SULT1E1: variants seen among roughly 807,000 people sequenced by gnomAD.
SULT1E1 encodes the protein sulfotransferase family 1E member 1.
Under a neutral mutation model 33.6 loss-of-function variants are expected in SULT1E1, and 36 were observed. The ratio of observed to expected loss-of-function variants is 1.07; its 90% confidence interval spans 0.82 to 1.41. SULT1E1 has a LOEUF of 1.41. SULT1E1 is among the 40% of genes most tolerant of loss of function. The pLI is 0.00. For synonymous variants in SULT1E1, 121 were observed against 111.7 expected, an observed-to-expected ratio of 1.08 and a Z score of -0.53; for missense variants, 371 against 345.7, an observed-to-expected ratio of 1.07 and a Z score of -0.58.
At chr4:69,847,327 T>C (rs1720996777) in intron 6 of SULT1E1, among the ~76,000 whole-genome samples, 1 of 151,700 alleles carries the variant, frequency 6.6e-6, no homozygotes, top group African/African-American at 2.4e-5. Context: ...TTATAGGACC[T>C]ATCTAACAAT....
chr4:69,840,272 A>G (rs376913627), downstream of SULT1E1, among the ~76,000 whole-genome samples: 66 of 152,232 alleles, frequency 4.3e-4, 2 homozygotes, highest in South Asian at 0.013. Context: ...AAATCCATGG[A>G]CTTTTCTCCA....
At chr4:69,829,917 C>T in the SULT1E1 span, among the ~76,000 whole-genome samples, 1 of 152,288 alleles carries the variant, frequency 6.6e-6, no homozygotes, top group African/African-American at 2.4e-5. Context: ...AGAGATGGAG[C>T]CTGGTCTGTC....
In SULT1E1 at chr4:69,849,633, A is replaced by G. The variant is rs1353920809; in HGVS notation, c.370-70T>C. 20 of 1,389,484 alleles carry G rather than the reference A, an allele frequency of 1.4e-5. No homozygotes were observed. The East Asian group carries it at 4.8e-4, about 33-fold the overall frequency. 86.1% of individuals were successfully genotyped at this position (1,389,484 alleles called of 1,614,324 possible). ...AAACAGTCTCATCAAGATTTTTTTA[A>G]AAAGGATTTACATTTTCAAATATAA... On this transcript the variant is annotated intron_variant, in intron 4 of 7. Transcript: ENST00000226444.
At chr4:69,852,842 A>G (rs766106558) in intron 4 of SULT1E1, among the ~76,000 whole-genome samples, 1 of 152,174 alleles carries the variant, frequency 6.6e-6, no homozygotes, top group Non-Finnish European at 1.5e-5. Flanking sequence ...ACCTGTTTCC[A>G]TTTGAGAAGT....
the SULT1E1 span, among the ~76,000 whole-genome samples, chr4:69,830,425 G>C: frequency 6.6e-6 from 1 of 152,218 alleles, no homozygotes; most frequent in Non-Finnish European, 1.5e-5. Flanking sequence ...CCTCAGGGTT[G>C]AACAGGGTGT....
chr4:69,838,317 T>C (rs2110063073), downstream of SULT1E1: 1 of 152,286 alleles, frequency 6.6e-6, no homozygotes, highest in African/African-American at 2.4e-5. Flanking sequence ...CTGTTTACTT[T>C]AAGCTTCTTT....
chr4:69,821,777 A>G, the SULT1E1 span, among the ~76,000 whole-genome samples: 1 of 152,228 alleles, frequency 6.6e-6, no homozygotes, highest in Non-Finnish European at 1.5e-5. Context: ...GATAGTAAAT[A>G]TGTTTTAATT....
chr4:69,824,278 TG>T, the SULT1E1 span, among the ~76,000 whole-genome samples: 1 of 152,178 alleles, frequency 6.6e-6, no homozygotes, highest in African/African-American at 2.4e-5. Flanking sequence ...TCTAACTTCC[TG>T]GATAAGTATG....
chr4:69,846,489 C>CAATAA (rs1720980120), intron 6 of SULT1E1, among the ~76,000 whole-genome samples: 1 of 151,010 alleles, frequency 6.6e-6, no homozygotes, highest in South Asian at 2.1e-4. Flanking sequence ...AATTGTAATA[C>CAATAA]AATAAAATAC....
the SULT1E1 span, among the ~76,000 whole-genome samples, chr4:69,829,702 C>A: frequency 5.3e-5 from 8 of 152,194 alleles, no homozygotes; most frequent in African/African-American, 1.9e-4. Flanking sequence ...TCATGTTGGA[C>A]TCCTTGTCCT....
At chr4:69,855,485 T>C in intron 2 of SULT1E1, 59 bp from the exon 3 acceptor site, 1 of 1,523,304 alleles carries the variant, frequency 6.6e-7, no homozygotes, top group Non-Finnish European at 8.8e-7. Flanking sequence ...ATGACATTAG[T>C]GCTGCATTTA....
rs368582372 is a variant in SULT1E1 at position 69,849,394 on chromosome 4, T to A, written c.496+43A>T. ...TTACTTGGAGATGGCATTTGTCTTATAAAACCTTGAAAAAAAATTCAGTGT... is the reference window on the plus strand; with the variant it reads ...TTACTTGGAGATGGCATTTGTCTTAAAAAACCTTGAAAAAAAATTCAGTGT... On this transcript the variant is annotated intron_variant, in intron 5 of 7. Transcript: ENST00000226444. 5.0e-6 allele frequency: 8 copies of A among 1,596,904 alleles called. No individual in the cohort carries two copies. The South Asian group carries it at 6.8e-5, about 14-fold the overall frequency.
At chr4:69,839,649 T>C (rs1720846027), downstream of SULT1E1, among the ~76,000 whole-genome samples, 2 of 152,178 alleles carry the variant, frequency 1.3e-5, no homozygotes, top group Admixed American at 1.3e-4. Flanking sequence ...TTCTGTAGCT[T>C]TCTTGGAAGC....
At position 69,844,201 on chromosome 4, in the gene SULT1E1, G is replaced by C. The variant is rs546191623; in HGVS notation, c.732C>G (p.Asp244Glu). 1 of 1,613,800 alleles carries C rather than the reference G, an allele frequency of 6.2e-7. No homozygotes were observed. The highest frequency in any genetic ancestry group is 1.7e-5 in the Admixed American group (1 of 60,000). The change falls in exon 7 of 8, where the codon GAC becomes GAG. Residue 244 changes from aspartate to glutamate, a missense_variant. Transcript: ENST00000226444. ...NPSTNYTTLP[D>E]EIMNQKLSPF... ...GCGACAATTTCTGGTTCATAATTTC[G>C]TCTGGCAGTGTTGTGTAATTTGTGG...
the SULT1E1 span, among the ~76,000 whole-genome samples, chr4:69,830,530 CT>C: frequency 6.6e-6 from 1 of 152,216 alleles, no homozygotes; most frequent in African/African-American, 2.4e-5. Context: ...GCATTGGCTG[CT>C]TTTCTCCCAC....
the SULT1E1 span, among the ~76,000 whole-genome samples, chr4:69,827,150 G>A: frequency 1.3e-5 from 2 of 152,188 alleles, no homozygotes; most frequent in East Asian, 1.9e-4. Flanking sequence ...GTACATAGAT[G>A]TCCTACAGGG....
chr4:69,824,707 C>A, the SULT1E1 span, among the ~76,000 whole-genome samples: 1 of 150,832 alleles, frequency 6.6e-6, no homozygotes, highest in Non-Finnish European at 1.5e-5. Context: ...CTGTAAAGCA[C>A]ACTAATCAGC....
At position 69,857,335 on chromosome 4, in the gene SULT1E1, A is replaced by C. The variant is rs3775771; in HGVS notation, c.145+165T>G. On this transcript the variant is annotated intron_variant, in intron 2 of 7. Transcript: ENST00000226444. ...AATGTACTATTCAAGTTACAGGTAAAAATTGTGGTCATGGAATAGAGCTAC... is the reference window on the plus strand; with the variant it reads ...AATGTACTATTCAAGTTACAGGTAACAATTGTGGTCATGGAATAGAGCTAC... Among the ~76,000 whole-genome samples, 122 of 152,322 alleles carry C rather than the reference A, an allele frequency of 8.0e-4. 1 individual carries two copies. In the East Asian group the frequency reaches 0.021, roughly 26 times the overall value.
intron 6 of SULT1E1, among the ~76,000 whole-genome samples, chr4:69,846,305 C>CAAAAAAAAAAAAAAAAAAAAA (rs34408656): frequency 9.3e-6 from 1 of 107,038 alleles, no homozygotes; most frequent in Admixed American, 1.0e-4. Flanking sequence ...ACAAAACAAT[C>CAAAAAAAAAAAAAAAAAAAAA]AAAAAAAAAA....
Sources: allele counts gnomAD v4.1 joint callset (sites outside exome capture counted in the v4.1 genomes callset), GRCh38; gene constraint gnomAD v4.1.1; transcripts MANE v1.5; gene names NCBI Gene and HGNC (gene_info 2026-07-23, HGNC 2026-07-21).